NTM: variants seen among roughly 807,000 people sequenced by gnomAD.
The protein encoded by NTM is IgLON family member 2.
A neutral mutation model predicts 42.1 loss-of-function variants in NTM; 13 were observed. That is an observed-to-expected ratio of 0.31 (90% CI 0.20 to 0.49). The LOEUF is 0.49. Among genes scored for constraint, NTM ranks in the 20% least tolerant of loss-of-function variants. The pLI is 0.99. For missense variants in NTM, 373 were observed against 452.8 expected (o/e 0.82, Z 1.60); for synonymous variants, 187 against 179.2 (o/e 1.04, Z -0.35).
chr11:132,277,062 T>G lies in NTM; in HGVS notation c.527-30627T>G, dbSNP rs2093755705. ...TTTCTAGCAGTGCTTTGTAAATTCC[T>G]TATGTTTCTACATGGGCAATCATGT... On this transcript the variant is annotated intron_variant, in intron 4 of 8. Coordinates refer to ENST00000683400, the MANE Select transcript of NTM (RefSeq NM_001352005.2). Among the ~76,000 whole-genome samples the G allele has an allele frequency of 2.6e-5, 4 of 152,242 alleles. No homozygotes were observed. In the South Asian group the frequency reaches 6.2e-4, roughly 24 times the overall value.
intron 2 of NTM, among the ~76,000 whole-genome samples, chr11:131,930,903 G>C (rs569808634): frequency 2.8e-3 from 432 of 152,236 alleles, no homozygotes; most frequent in African/African-American, 1.0e-2. Context: ...GTCATTTCAG[G>C]TAATTAACTG....
intron 1 of NTM, among the ~76,000 whole-genome samples, chr11:131,776,498 G>A (rs1309391312): frequency 6.6e-6 from 1 of 152,136 alleles, no homozygotes; most frequent in Non-Finnish European, 1.5e-5. Flanking sequence ...TTTCACTACA[G>A]CAGAGCAGCA....
intron 3 of NTM, among the ~76,000 whole-genome samples, chr11:132,207,331 G>A (rs973453825): frequency 1.3e-5 from 2 of 152,130 alleles, no homozygotes; most frequent in South Asian, 2.1e-4. Context: ...CCATGCGAGG[G>A]ATCTAGGTCG....
intron 4 of NTM, among the ~76,000 whole-genome samples, chr11:132,283,229 C>T (rs1389335127): frequency 6.6e-6 from 1 of 152,108 alleles, no homozygotes; most frequent in Non-Finnish European, 1.5e-5. Context: ...TCGTGATCCA[C>T]CTGCCTCAGC....
At chr11:131,969,645 ACT>A (rs1211413732) in intron 2 of NTM, among the ~76,000 whole-genome samples, 1 of 151,872 alleles carries the variant, frequency 6.6e-6, no homozygotes, top group Non-Finnish European at 1.5e-5. Context: ...AGCACTTTAG[ACT>A]CTCGGCAGAT....
At chr11:132,033,029 G>T (rs1043965852) in intron 2 of NTM, among the ~76,000 whole-genome samples, 1 of 152,180 alleles carries the variant, frequency 6.6e-6, no homozygotes, top group African/African-American at 2.4e-5. Flanking sequence ...TAAAGGCTCA[G>T]ATACAGCCAT....
At chr11:132,219,181 C>A (rs2084568431) in intron 4 of NTM, among the ~76,000 whole-genome samples, 1 of 152,138 alleles carries the variant, frequency 6.6e-6, no homozygotes, top group Non-Finnish European at 1.5e-5. Context: ...GCCCTTGTTT[C>A]AAGACCATAC....
intron 2 of NTM, among the ~76,000 whole-genome samples, chr11:132,065,971 A>AT (rs891333690): frequency 8.7e-4 from 133 of 152,050 alleles, no homozygotes; most frequent in Non-Finnish European, 8.4e-4. Context: ...GTAAGTCTTT[A>AT]TTTTTTTTCC....
intron 2 of NTM, among the ~76,000 whole-genome samples, chr11:132,026,378 T>C (rs1286144194): frequency 1.3e-5 from 2 of 152,142 alleles, no homozygotes; most frequent in Non-Finnish European, 2.9e-5. Context: ...TAGTCACGTA[T>C]GTAAACCATC....
At chr11:132,021,105 G>T (rs1195668869) in intron 2 of NTM, among the ~76,000 whole-genome samples, 9 of 151,792 alleles carry the variant, frequency 5.9e-5, no homozygotes, top group Admixed American at 5.9e-4. Context: ...AATTTATATG[G>T]ATTTATTTCT....
chr11:131,780,486 A>G (rs2136001145), intron 1 of NTM, among the ~76,000 whole-genome samples: 1 of 152,270 alleles, frequency 6.6e-6, no homozygotes, highest in South Asian at 2.1e-4. Flanking sequence ...TTTAGGAAGA[A>G]GTGGGTGTAT....
intron 1 of NTM, chr11:131,573,607 A>T (rs904705499): frequency 2.6e-5 from 4 of 152,228 alleles, no homozygotes; most frequent in Admixed American, 6.5e-5. Flanking sequence ...CTTCTGAAAC[A>T]GTTCCCCCTC....
chr11:131,855,412 ACT>A (rs1459277829), intron 1 of NTM, among the ~76,000 whole-genome samples: 1 of 152,196 alleles, frequency 6.6e-6, no homozygotes, highest in East Asian at 1.9e-4. Flanking sequence ...TTTGTGGATA[ACT>A]CTGACAATTT....
At chr11:132,023,931 G>T (rs2074786069) in intron 2 of NTM, among the ~76,000 whole-genome samples, 1 of 151,922 alleles carries the variant, frequency 6.6e-6, no homozygotes, top group South Asian at 2.1e-4. Flanking sequence ...CAATTCTCCT[G>T]CCTCAGCCTC....
chr11:132,304,413 T>TA (rs2094995239), intron 4 of NTM, among the ~76,000 whole-genome samples: 1 of 90,918 alleles, frequency 1.1e-5, no homozygotes, highest in Non-Finnish European at 2.7e-5. Context: ...CTATGCTTGC[T>TA]TTTTTTTTTT....
intron 1 of NTM, among the ~76,000 whole-genome samples, chr11:131,763,654 C>T (rs1388647423): frequency 6.8e-6 from 1 of 148,064 alleles, no homozygotes; most frequent in African/African-American, 2.5e-5. Flanking sequence ...CCCCAGGGAT[C>T]CTCATTCCCA....
intron 1 of NTM, among the ~76,000 whole-genome samples, chr11:131,584,647 A>C (rs180745994): frequency 6.0e-4 from 91 of 152,360 alleles, no homozygotes; most frequent in African/African-American, 2.1e-3. Context: ...TGATGTAAAT[A>C]CCCAAATTTG....
intron 1 of NTM, among the ~76,000 whole-genome samples, chr11:131,385,631 T>C (rs967537431): frequency 1.3e-5 from 2 of 152,136 alleles, no homozygotes; most frequent in African/African-American, 4.8e-5. Context: ...AGCTGGAGGA[T>C]TGCTTAAGCC....
intron 2 of NTM, among the ~76,000 whole-genome samples, chr11:131,995,874 C>T (rs1377632248): frequency 6.6e-6 from 1 of 151,486 alleles, no homozygotes; most frequent in Non-Finnish European, 1.5e-5. Context: ...GGAATTAAGG[C>T]AGGTAAGGGA....
Sources: allele counts gnomAD v4.1 joint callset (sites outside exome capture counted in the v4.1 genomes callset), GRCh38; gene constraint gnomAD v4.1.1; transcripts MANE v1.5; gene names NCBI Gene and HGNC (gene_info 2026-07-23, HGNC 2026-07-21).